The following TTC3 variants were observed in gnomAD, a reference collection of about 807,000 sequenced individuals.
TTC3 encodes E3 ubiquitin-protein ligase TTC3.
A neutral mutation model predicts 249.6 loss-of-function variants in TTC3; 180 were observed. The observed-to-expected ratio is 0.72, with a 90% CI of 0.64 to 0.82. TTC3 has a LOEUF of 0.82. TTC3 is among the 40% of genes least tolerant of loss of function. The pLI is 0.00. For missense variants in TTC3, 2,061 were observed against 2,398.4 expected, an observed-to-expected ratio of 0.86 and a Z score of 2.94; for synonymous variants, 717 against 805.0, an observed-to-expected ratio of 0.89 and a Z score of 1.85.
intron 20 of TTC3, among the ~76,000 whole-genome samples, chr21:37,141,420 C>CCA (rs2078446021): frequency 6.6e-6 from 1 of 151,648 alleles, no homozygotes; most frequent in Non-Finnish European, 1.5e-5. Flanking sequence ...AATCCCCCCC[C>CCA]CAGCCATCTT....
At chr21:37,073,319 G>GCTA in exon 1 of TTC3, 1 of 597,866 alleles carries the variant, frequency 1.7e-6, no homozygotes, top group Non-Finnish European at 2.1e-6. Flanking sequence ...GGCGGCGGCT[G>GCTA]CTGCTGCTGC....
chr21:37,129,151 T>C (rs1333513702), intron 16 of TTC3, 88 bp downstream of exon 16: 1 of 770,998 alleles, frequency 1.3e-6, no homozygotes, highest in African/African-American at 1.8e-5. Context: ...GAGTATTAGC[T>C]ACTTTAATGT....
Position 37,169,485 on chromosome 21 carries a change from A to G in TTC3, c.4467+1865A>G, listed in dbSNP as rs532182647. On this transcript the variant is annotated intron_variant, in intron 34 of 45. Coordinates refer to ENST00000355666, the Ensembl canonical transcript of TTC3. Reference sequence around the variant, plus strand: ...CTTGAACCTGGGAGGCGGAGGTTGCAGTGAGCCAAGATCACGCCAGTGTAC... The same window carrying G: ...CTTGAACCTGGGAGGCGGAGGTTGCGGTGAGCCAAGATCACGCCAGTGTAC... Among the ~76,000 whole-genome samples, 9 of 151,966 alleles carry G rather than the reference A, an allele frequency of 5.9e-5. No homozygotes were observed. The South Asian group carries it at 1.7e-3, about 28-fold the overall frequency.
At chr21:37,153,339 AG>A (rs1276043356) in intron 27 of TTC3, 62 bp downstream of exon 27, 1 of 1,409,372 alleles carries the variant, frequency 7.1e-7, no homozygotes, top group Admixed American at 2.5e-5. Flanking sequence ...TAGGTCTCTG[AG>A]TCATTTTCAT....
At chr21:37,155,052 A>G (rs1026850098) in intron 27 of TTC3, among the ~76,000 whole-genome samples, 1 of 152,222 alleles carries the variant, frequency 6.6e-6, no homozygotes, top group South Asian at 2.1e-4. Context: ...GGATATATGT[A>G]TACTATTTAA....
intron 20 of TTC3, among the ~76,000 whole-genome samples, chr21:37,142,015 A>T (rs994960817): frequency 1.3e-5 from 2 of 152,182 alleles, no homozygotes; most frequent in African/African-American, 4.8e-5. Flanking sequence ...TGATTATCTC[A>T]ATAGATGCAG....
intron 35 of TTC3, 147 bp from the exon 36 acceptor site, chr21:37,182,627 C>A: frequency 1.3e-6 from 1 of 775,918 alleles, no homozygotes; most frequent in Non-Finnish European, 1.9e-6. Context: ...GGGGCATAGT[C>A]TGCCACAGGG....
At chr21:37,122,398 G>A (rs538738555) in intron 12 of TTC3, among the ~76,000 whole-genome samples, 46 of 142,710 alleles carry the variant, frequency 3.2e-4, no homozygotes, top group South Asian at 8.8e-4. Flanking sequence ...ATTCTGCAGC[G>A]TGCTGAATAT....
chr21:37,140,877 G>A (rs891259847), intron 20 of TTC3, among the ~76,000 whole-genome samples: 3 of 152,108 alleles, frequency 2.0e-5, no homozygotes, highest in African/African-American at 7.2e-5. Flanking sequence ...GGTACTTCCT[G>A]ATTTTAAATC....
chr21:37,197,576 G>A lies in TTC3; in HGVS notation c.5586G>A (p.Glu1862=). Residue 1862 remains glutamate, a synonymous_variant, in exon 43 of 46, where the codon GAG becomes GAA. Coordinates refer to ENST00000355666, the Ensembl canonical transcript of TTC3. Reference sequence around the variant, plus strand: ...CACTCACTCTCCCTTTCAGCACTGAGCTTGCTGGTTTTATTAAAAAAGTGC... The same window carrying A: ...CACTCACTCTCCCTTTCAGCACTGAACTTGCTGGTTTTATTAAAAAAGTGC... The A allele has an allele frequency of 3.1e-6, 5 of 1,611,840 alleles. No homozygotes were observed. The South Asian group carries it at 4.4e-5, about 14-fold the overall frequency.
At chr21:37,121,943 C>T (rs1183554109) in exon 12 of TTC3, 1 of 1,611,410 alleles carries the variant, frequency 6.2e-7, no homozygotes, top group Non-Finnish European at 8.5e-7. Context: ...AATTCAGCAG[C>T]ATGTAAAGTT....
intron 35 of TTC3, among the ~76,000 whole-genome samples, chr21:37,175,691 T>C (rs1480552762): frequency 6.6e-6 from 1 of 151,956 alleles, no homozygotes; most frequent in East Asian, 1.9e-4. Context: ...GGTTCTATTA[T>C]TATTCATGAG....
chr21:37,201,655 C>G (rs2085519366), exon 46 of TTC3: 3 of 1,533,838 alleles, frequency 2.0e-6, no homozygotes, highest in African/African-American at 2.8e-5. Flanking sequence ...AAAAAACAAA[C>G]ATTTGAAGAC....
At position 37,102,594 on chromosome 21, in the gene TTC3, A is replaced by C. The variant is rs953398392; in HGVS notation, c.846-5798A>C. ...AAATGTGGTTTTTAGAAATAATGGC[A>C]AAACCCCTAATTACTTTTGCACCAA... On this transcript the variant is annotated intron_variant, in intron 10 of 45. Transcript: ENST00000355666. Among the ~76,000 whole-genome samples, 4 of 152,342 alleles carry C rather than the reference A, an allele frequency of 2.6e-5. No homozygotes were observed. In the South Asian group the frequency reaches 8.3e-4, roughly 32 times the overall value.
intron 15 of TTC3, 148 bp downstream of exon 15, chr21:37,126,291 T>A: frequency 3.7e-6 from 2 of 540,672 alleles, no homozygotes; most frequent in East Asian, 6.6e-5. Flanking sequence ...TATTGAATAT[T>A]TATTTGAAAT....
At chr21:37,118,796 G>C (rs1019727303) in intron 11 of TTC3, among the ~76,000 whole-genome samples, 8 of 152,096 alleles carry the variant, frequency 5.3e-5, no homozygotes, top group Non-Finnish European at 1.2e-4. Flanking sequence ...ATGTCTTCAA[G>C]CTCACCCATC....
chr21:37,148,990 C>T (rs995526420), intron 23 of TTC3, among the ~76,000 whole-genome samples: 8 of 152,170 alleles, frequency 5.3e-5, no homozygotes, highest in Non-Finnish European at 1.0e-4. Flanking sequence ...CACCAGGCCC[C>T]ACTTGAAAGT....
Position 37,124,780 on chromosome 21 carries a change from A to G in TTC3, c.1233+38A>G, listed in dbSNP as rs181642639. On this transcript the variant is annotated intron_variant, in intron 14 of 45. Coordinates refer to ENST00000355666, the Ensembl canonical transcript of TTC3. ...GAAAACTACAGTTTTTTTCAAGGAT[A>G]GATAGTCTCATATTTTTACAGTAAT... is the stretch of plus-strand genomic sequence containing the variant. 89 of 1,600,780 alleles carry G rather than the reference A, an allele frequency of 5.6e-5. No individual in the cohort carries two copies. In the African/African-American group the frequency reaches 1.1e-3, roughly 21 times the overall value.
intron 10 of TTC3, among the ~76,000 whole-genome samples, chr21:37,099,273 A>T (rs192346711): frequency 1.2e-4 from 18 of 152,238 alleles, no homozygotes; most frequent in Non-Finnish European, 2.6e-4. Context: ...CAACATGGTT[A>T]TCACTGTTCT....
Sources: allele counts gnomAD v4.1 joint callset (sites outside exome capture counted in the v4.1 genomes callset), GRCh38; gene constraint gnomAD v4.1.1; transcripts MANE v1.5; gene names NCBI Gene and HGNC (gene_info 2026-07-23, HGNC 2026-07-21).